GPR139: variants seen among roughly 807,000 people sequenced by gnomAD.
GPR139 encodes the protein G protein-coupled receptor 139, also known as probable G protein-coupled receptor 139.
Under a neutral mutation model 25.8 loss-of-function variants are expected in GPR139, and 12 were observed. The observed-to-expected ratio is 0.47, with a 90% CI of 0.30 to 0.75. The LOEUF (loss-of-function observed/expected upper bound fraction) is 0.75. Ranked by LOEUF, GPR139 falls within the 30% of genes least tolerant of loss-of-function variation. The pLI is 0.07. For missense variants in GPR139, 380 were observed against 450.2 expected, an observed-to-expected ratio of 0.84 and a Z score of 1.41; for synonymous variants, 184 against 179.9, an observed-to-expected ratio of 1.02 and a Z score of -0.18.
In GPR139 at chr16:20,029,892, G is replaced by T. The variant is rs2057281251; in HGVS notation, c.*1843C>A. Among the ~76,000 whole-genome samples the T allele has an allele frequency of 1.3e-5, 2 of 152,184 alleles. No individual in the cohort carries two copies. Among genetic ancestry groups the T allele is most frequent in the South Asian group, 4.1e-4 (2 of 4,826 alleles). ...TGTTCCAATGCTAGAGAAAAACTTA[G>T]CTGTGTTAGGTTTTGAAAGCAATGG... On this transcript the variant is annotated 3_prime_UTR_variant, in exon 2 of 2. Coordinates refer to ENST00000570682, the MANE Select transcript of GPR139 (RefSeq NM_001002911.4).
intron 1 of GPR139, among the ~76,000 whole-genome samples, chr16:20,069,939 CT>C (rs1489150977): frequency 2.0e-5 from 3 of 152,054 alleles, no homozygotes; most frequent in African/African-American, 7.2e-5. Flanking sequence ...TGAGAAACGT[CT>C]TTCTTACTTA....
chr16:20,073,719 C>G lies in GPR139; in HGVS notation c.-103G>C. On this transcript the variant is annotated 5_prime_UTR_variant, in exon 1 of 2. Transcript: ENST00000570682. This position sits in a 1 kb window ranked among gnomAD's most constrained non-coding sequence, Gnocchi z 4.7. ...GCGGCGGAGGCAGCGGCAGCTGGAG[C>G]AGCAGCGCCTCTCTCCCCGCAGGAC... The G allele has an allele frequency of 1.4e-6, 2 of 1,385,756 alleles. No homozygotes were observed. The highest frequency in any genetic ancestry group is 1.9e-6 in the Non-Finnish European group (2 of 1,044,892). The allele number at this position is 1,385,756 out of a possible 1,614,324, so 85.8% of individuals were successfully genotyped here.
intron 1 of GPR139, among the ~76,000 whole-genome samples, chr16:20,055,276 G>A (rs925153195): frequency 6.6e-6 from 1 of 152,164 alleles, no homozygotes; most frequent in Non-Finnish European, 1.5e-5. Context: ...TAGAGCTGAA[G>A]GCCATTATCT....
At chr16:20,040,708 C>G (rs2141203564) in intron 1 of GPR139, among the ~76,000 whole-genome samples, 1 of 152,206 alleles carries the variant, frequency 6.6e-6, no homozygotes, top group East Asian at 1.9e-4. Context: ...CTCCCTCCCT[C>G]CTAAAGGCAG....
intron 1 of GPR139, among the ~76,000 whole-genome samples, chr16:20,058,527 G>T (rs1033765469): frequency 6.6e-6 from 1 of 152,094 alleles, no homozygotes; most frequent in Non-Finnish European, 1.5e-5. Flanking sequence ...TGGCCTGAAG[G>T]TCTGTTTTGA....
At chr16:20,038,369 G>GTGTGTGTGTATA (rs4028367) in intron 1 of GPR139, among the ~76,000 whole-genome samples, 6 of 133,252 alleles carry the variant, frequency 4.5e-5, no homozygotes, top group East Asian at 2.3e-4. Flanking sequence ...GTGTGTGTGT[G>GTGTGTGTGTATA]TATTCTATAG....
At chr16:20,071,308 C>G (rs1380390878) in intron 1 of GPR139, among the ~76,000 whole-genome samples, 1 of 152,214 alleles carries the variant, frequency 6.6e-6, no homozygotes, top group African/African-American at 2.4e-5. Context: ...CACCTTTGAA[C>G]CAGCCTTGTG....
intron 1 of GPR139, among the ~76,000 whole-genome samples, chr16:20,033,208 G>A (rs1054132588): frequency 6.7e-6 from 1 of 148,406 alleles, no homozygotes; most frequent in East Asian, 2.0e-4. Flanking sequence ...AGGTGATGCC[G>A]CCATTCTCTT....
intron 1 of GPR139, among the ~76,000 whole-genome samples, chr16:20,037,704 A>G (rs1212089987): frequency 1.4e-4 from 21 of 152,182 alleles, no homozygotes; most frequent in Admixed American, 1.0e-3. Flanking sequence ...CCAGAGAAAA[A>G]TGAAAATGGT....
intron 1 of GPR139, among the ~76,000 whole-genome samples, chr16:20,055,299 C>T (rs1337653786): frequency 6.6e-6 from 1 of 152,180 alleles, no homozygotes; most frequent in African/African-American, 2.4e-5. Context: ...AGCAAACTAA[C>T]ACAGGAAGAT....
intron 1 of GPR139, among the ~76,000 whole-genome samples, chr16:20,052,296 A>G (rs1004786452): frequency 2.0e-5 from 3 of 152,102 alleles, no homozygotes; most frequent in Non-Finnish European, 4.4e-5. Flanking sequence ...AAACACACTA[A>G]CTTCCTTTTT....
chr16:20,072,069 G>T (rs7188638), intron 1 of GPR139, among the ~76,000 whole-genome samples: 1,607 of 152,128 alleles, frequency 0.011, 25 homozygotes, highest in African/African-American at 0.037. Context: ...AGGGCTGAAG[G>T]GGGGAGGTGG....
At chr16:20,038,320 A>AATAT (rs201142021) in intron 1 of GPR139, among the ~76,000 whole-genome samples, 4 of 110,386 alleles carry the variant, frequency 3.6e-5, no homozygotes, top group African/African-American at 9.8e-5. Flanking sequence ...GTTCCTGGAT[A>AATAT]ATATATATAT....
chr16:20,031,900 C>T lies in GPR139; in HGVS notation c.897G>A (p.Thr299=), dbSNP rs758294318. 4.3e-6 allele frequency: 7 copies of T among 1,614,216 alleles called. No individual in the cohort carries two copies. The highest frequency in any genetic ancestry group is 2.2e-5 in the East Asian group (1 of 44,886). Reference sequence around the variant, plus strand: ...TCTGGCACTTGAAGAAAGCCTTGAGCGTGGCGGCTGCCATGGTGCGGAACC... The same window carrying T: ...TCTGGCACTTGAAGAAAGCCTTGAGTGTGGCGGCTGCCATGGTGCGGAACC... The part of the protein sequence containing the change: ...SKRFRTMAAA[T]LKAFFKCQKQ... Residue 299 remains threonine, a synonymous_variant, in exon 2 of 2, where the codon ACG becomes ACA. Coordinates refer to ENST00000570682, the MANE Select transcript of GPR139 (RefSeq NM_001002911.4).
intron 1 of GPR139, among the ~76,000 whole-genome samples, chr16:20,032,884 G>A (rs2057296331): frequency 6.6e-6 from 1 of 152,220 alleles, no homozygotes; most frequent in Non-Finnish European, 1.5e-5. Context: ...ACAACCATGA[G>A]AGGTGGTGCC....
chr16:20,045,671 G>A (rs12596252), intron 1 of GPR139, among the ~76,000 whole-genome samples: 28,365 of 152,138 alleles, frequency 0.19, 3,300 homozygotes, highest in East Asian at 0.37. Flanking sequence ...GAGAATGCTC[G>A]CCACTCCCAG....
rs1018899710 is a variant in GPR139, at chr16:20,029,859, C to G, written c.*1876G>C. On this transcript the variant is annotated 3_prime_UTR_variant, in exon 2 of 2. Transcript: ENST00000570682. ...TCTGTCTTGTCATCAACCAGAGAAA[C>G]AGCAACTTGTTCCAATGCTAGAGAA... Among the ~76,000 whole-genome samples the G allele has an allele frequency of 6.6e-6, 1 of 152,168 alleles. No homozygotes were observed. The highest frequency in any genetic ancestry group is 1.5e-5 in the Non-Finnish European group (1 of 68,040).
chr16:20,064,538 C>T (rs2057424854), intron 1 of GPR139, among the ~76,000 whole-genome samples: 1 of 152,138 alleles, frequency 6.6e-6, no homozygotes, highest in Non-Finnish European at 1.5e-5. Flanking sequence ...TGGGACTCTG[C>T]CTCAAACAAC....
chr16:20,047,388 G>A (rs1282235912), intron 1 of GPR139, among the ~76,000 whole-genome samples: 1 of 152,172 alleles, frequency 6.6e-6, no homozygotes, highest in African/African-American at 2.4e-5. Flanking sequence ...TTACAGGCGT[G>A]AGCCACTGTG....
Sources: gnomAD v4.1 joint callset for allele counts (sites outside exome capture counted in the v4.1 genomes callset) on GRCh38, gnomAD v4.1.1 for gene constraint, Gnocchi (gnomAD v3.1) non-coding constraint, MANE v1.5 for transcripts, NCBI Gene and HGNC (gene_info 2026-07-23, HGNC 2026-07-21) for gene names.